Variants in PCDHA6 observed in about 807,000 individuals in gnomAD.
PCDHA6 encodes the protein protocadherin alpha-6.
A neutral mutation model predicts 60.3 loss-of-function variants in PCDHA6; 55 were observed. The observed-to-expected ratio is 0.91, with a 90% CI of 0.73 to 1.14. PCDHA6 has a LOEUF of 1.14. Among genes scored for constraint, PCDHA6 ranks in the 50% most tolerant of loss-of-function variants. The pLI, the probability that PCDHA6 is intolerant of heterozygous loss-of-function variation, is 0.00. For synonymous variants in PCDHA6, 652 were observed against 557.9 expected, an observed-to-expected ratio of 1.17 and a Z score of -2.38; for missense variants, 1,327 against 1,256.5, an observed-to-expected ratio of 1.06 and a Z score of -0.85.
chr5:140,989,004 CTTA>C (rs1445940440), intron 3 of PCDHA6: 15 of 152,184 alleles, frequency 9.9e-5, no homozygotes, highest in African/African-American at 3.4e-4. Context: ...GAAATAGAGA[CTTA>C]TTATAGTTTC....
At chr5:140,922,139 C>T (rs2080663133) in intron 1 of PCDHA6, among the ~76,000 whole-genome samples, 1 of 151,854 alleles carries the variant, frequency 6.6e-6, no homozygotes, top group South Asian at 2.1e-4. Flanking sequence ...TCTTATCCTC[C>T]ATGAAACTCA....
In PCDHA6 at chr5:141,010,279, A is replaced by T. The variant is rs2098416787; in HGVS notation, c.*342A>T. 2.6e-6 allele frequency: 4 copies of T among 1,551,490 alleles called. No homozygotes were observed. The highest frequency in any genetic ancestry group is 3.5e-6 in the Non-Finnish European group (4 of 1,146,936). ...CCTGTGCTCCGGGGATCCTGTCTTG[A>T]TGACACTTGCAGGGCAGGCTGAAAA... On this transcript the variant is annotated 3_prime_UTR_variant, in exon 4 of 4. Coordinates refer to ENST00000529310, the MANE Select transcript of PCDHA6 (RefSeq NM_018909.4).
chr5:140,972,660 ATTTT>A (rs11350929), intron 1 of PCDHA6, among the ~76,000 whole-genome samples: 1 of 117,264 alleles, frequency 8.5e-6, no homozygotes. Flanking sequence ...AAGAAACCAA[ATTTT>A]TTTTTTTTTT....
chr5:140,832,759 G>A (rs1485511269), intron 1 of PCDHA6, among the ~76,000 whole-genome samples: 1 of 152,158 alleles, frequency 6.6e-6, no homozygotes, highest in Non-Finnish European at 1.5e-5. Flanking sequence ...GTAAAAGCAA[G>A]AATATTGTAA....
Position 140,932,319 on chromosome 5 carries a change from G to A in PCDHA6, c.2395-46630G>A, listed in dbSNP as rs60286116. Among the ~76,000 whole-genome samples the A allele has an allele frequency of 3.3e-3, 499 of 151,902 alleles. 2 individuals are homozygous for A. The highest frequency in any genetic ancestry group is 0.012 in the African/African-American group (480 of 41,512). ...TTTTTAAAGGTATAAATATATTAATGTAGCAAAAATGCATGAAACACTTAC... is the reference window on the plus strand; with the variant it reads ...TTTTTAAAGGTATAAATATATTAATATAGCAAAAATGCATGAAACACTTAC... On this transcript the variant is annotated intron_variant, in intron 1 of 3. Transcript: ENST00000529310.
intron 1 of PCDHA6, chr5:140,871,695 T>A: frequency 1.0e-6 from 1 of 974,906 alleles, no homozygotes; most frequent in Non-Finnish European, 1.5e-6. Context: ...CTGGCTTCTT[T>A]AACCAATAAA....
intron 1 of PCDHA6, chr5:140,865,080 G>A (rs1166926722): frequency 6.6e-6 from 1 of 152,010 alleles, no homozygotes; most frequent in Non-Finnish European, 1.5e-5. Context: ...AAGAACCATG[G>A]GATATTAATA....
chr5:140,865,315 G>A (rs183867521), intron 1 of PCDHA6: 43 of 152,182 alleles, frequency 2.8e-4, no homozygotes, highest in African/African-American at 7.9e-4. Flanking sequence ...CAAATGAGAT[G>A]GCCTTTAATT....
chr5:140,970,373 C>T (rs1554232421), intron 1 of PCDHA6, among the ~76,000 whole-genome samples: 2 of 152,250 alleles, frequency 1.3e-5, no homozygotes, highest in East Asian at 1.9e-4. Context: ...GCTATAGCTT[C>T]AAAAGGCTGG....
chr5:140,915,684 G>T (rs576904848), intron 1 of PCDHA6, among the ~76,000 whole-genome samples: 5 of 151,572 alleles, frequency 3.3e-5, no homozygotes, highest in South Asian at 4.2e-4. Context: ...TGAACTAGGG[G>T]TATGGTGATG....
chr5:140,893,249 T>A (rs1317089236), intron 1 of PCDHA6, among the ~76,000 whole-genome samples: 2 of 152,220 alleles, frequency 1.3e-5, no homozygotes, highest in African/African-American at 4.8e-5. Context: ...TTTCCTTTTC[T>A]TTGGATAAAT....
intron 1 of PCDHA6, among the ~76,000 whole-genome samples, chr5:140,891,204 C>T (rs2153433269): frequency 6.6e-6 from 1 of 152,078 alleles, no homozygotes; most frequent in South Asian, 2.1e-4. Flanking sequence ...GCAGTTTTAC[C>T]ATGCTGTGTC....
At chr5:140,913,447 CG>C (rs2076342854) in intron 1 of PCDHA6, among the ~76,000 whole-genome samples, 1 of 152,026 alleles carries the variant, frequency 6.6e-6, no homozygotes, top group Non-Finnish European at 1.5e-5. Context: ...TTTTCAGCTC[CG>C]ATTTTATTTA....
intron 1 of PCDHA6, chr5:140,858,134 G>T (rs1277423393): frequency 3.1e-6 from 5 of 1,597,762 alleles, no homozygotes; most frequent in East Asian, 2.2e-5. Context: ...GGATGTCAAC[G>T]TGTACCTGAT....
In PCDHA6 at chr5:140,947,454, C is replaced by G. The variant is rs138457341; in HGVS notation, c.2395-31495C>G. 3.0e-4 allele frequency among the ~76,000 whole-genome samples: 45 copies of G among 151,700 alleles called. No individual in the cohort carries two copies. In the East Asian group the frequency reaches 8.3e-3, roughly 28 times the overall value. On this transcript the variant is annotated intron_variant, in intron 1 of 3. Coordinates refer to ENST00000529310, the MANE Select transcript of PCDHA6 (RefSeq NM_018909.4). ...AAAATCAGCTGTGAAATCCTCCAACCTTGTTCTACTTGTAAACATTGTTTT... is the reference window on the plus strand; with the variant it reads ...AAAATCAGCTGTGAAATCCTCCAACGTTGTTCTACTTGTAAACATTGTTTT...
chr5:140,977,974 A>G (rs2096783738), intron 1 of PCDHA6, among the ~76,000 whole-genome samples: 1 of 152,182 alleles, frequency 6.6e-6, no homozygotes, highest in African/African-American at 2.4e-5. Context: ...CCGCCCATGA[A>G]AACGCATCTA....
In PCDHA6 at chr5:140,875,548, G is replaced by A. The variant is rs782463775; in HGVS notation, c.2394+45063G>A. On this transcript the variant is annotated intron_variant, in intron 1 of 3. Coordinates refer to ENST00000529310, the MANE Select transcript of PCDHA6 (RefSeq NM_018909.4). ...GCTTCTGCTCCTTGCAGCCTGGGAG[G>A]TGGGGAGCGGCCAGCTCCACTACTC... 24 of 1,614,054 alleles carry A rather than the reference G, an allele frequency of 1.5e-5. 1 individual carries two copies. The Admixed American group carries it at 3.5e-4, about 24-fold the overall frequency.
chr5:140,925,641 TATAATAATAATAATA>T (rs10569930), intron 1 of PCDHA6, among the ~76,000 whole-genome samples: 7 of 143,358 alleles, frequency 4.9e-5, no homozygotes, highest in African/African-American at 1.0e-4. Flanking sequence ...GAACTTAAAG[TATAATAATAATAATA>T]ATAATAATAA....
intron 3 of PCDHA6, among the ~76,000 whole-genome samples, chr5:140,997,957 C>T (rs1051643572): frequency 6.6e-5 from 10 of 152,156 alleles, no homozygotes; most frequent in East Asian, 1.9e-4. Context: ...TTGGCATTCA[C>T]GTACCTGTGG....
Sources: allele counts gnomAD v4.1 joint callset (sites outside exome capture counted in the v4.1 genomes callset), GRCh38; gene constraint gnomAD v4.1.1; transcripts MANE v1.5; gene names NCBI Gene and HGNC (gene_info 2026-07-23, HGNC 2026-07-21).